Variants in TCF3 observed in about 807,000 individuals in gnomAD.
TCF3 encodes transcription factor 3.
A neutral mutation model predicts 72.3 loss-of-function variants in TCF3; 54 were observed. The observed-to-expected ratio is 0.75, with a 90% CI of 0.60 to 0.94. The LOEUF (loss-of-function observed/expected upper bound fraction) is 0.94, where lower values mean the gene tolerates loss of function less well. Among genes scored for constraint, TCF3 ranks in the 40% least tolerant of loss-of-function variants. The pLI, the probability that TCF3 is intolerant of heterozygous loss-of-function variation, is 0.00. For missense variants in TCF3, 1,078 were observed against 934.4 expected, an observed-to-expected ratio of 1.15 and a Z score of -2.00; for synonymous variants, 525 against 412.6, an observed-to-expected ratio of 1.27 and a Z score of -3.30.
chr19:1,610,935 G>GA lies in TCF3; in HGVS notation c.*771_*772insT, dbSNP rs2060938235. ...TGTGCAGTGGCTTCCGGGGGGGGGG[G>GA]GGGACGGGGGGGCTCAGGTTTACAC... On this transcript the variant is annotated 3_prime_UTR_variant, in exon 19 of 19. Transcript: ENST00000262965. 5.1e-6 allele frequency: 1 copy of GA among 197,232 alleles called. No individual in the cohort carries two copies. The highest frequency in any genetic ancestry group is 6.1e-5 in the Admixed American group (1 of 16,368). The allele number at this position is 197,232 out of a possible 1,614,324, so 12.2% of individuals were successfully genotyped here.
At chr19:1,621,363 G>A (rs931995631) in intron 11 of TCF3, among the ~76,000 whole-genome samples, 172 bp from the exon 12 acceptor site, 3 of 152,266 alleles carry the variant, frequency 2.0e-5, no homozygotes, top group Non-Finnish European at 4.4e-5. Flanking sequence ...AGGGGTTGAG[G>A]CACTGGGGAC....
intron 6 of TCF3, among the ~76,000 whole-genome samples, 164 bp downstream of exon 6, chr19:1,627,195 G>C (rs1296799209): frequency 6.6e-6 from 1 of 152,102 alleles, no homozygotes; most frequent in Admixed American, 6.5e-5. Flanking sequence ...CTCTGCTCCC[G>C]GTCCACACCC....
At chr19:1,633,812 C>T (rs1438137862) in intron 3 of TCF3, among the ~76,000 whole-genome samples, 1 of 152,218 alleles carries the variant, frequency 6.6e-6, no homozygotes, top group East Asian at 1.9e-4. Context: ...TGCACGTGGG[C>T]CCTGGTGAAC....
At chr19:1,633,408 G>A (rs2063960085) in intron 3 of TCF3, among the ~76,000 whole-genome samples, 1 of 152,122 alleles carries the variant, frequency 6.6e-6, no homozygotes, top group African/African-American at 2.4e-5. Context: ...CCAGCCCAGT[G>A]CTGATGTCTG....
chr19:1,621,432 T>A (rs929049057), intron 11 of TCF3, among the ~76,000 whole-genome samples: 13 of 150,788 alleles, frequency 8.6e-5, no homozygotes, highest in African/African-American at 3.2e-4. Flanking sequence ...GGTGGGTGAG[T>A]CCCCCTCTGG....
chr19:1,643,281 C>T (rs750735060), intron 3 of TCF3, among the ~76,000 whole-genome samples: 9 of 152,178 alleles, frequency 5.9e-5, no homozygotes, highest in Non-Finnish European at 1.3e-4. Flanking sequence ...AGGGCAGTGG[C>T]GCAATCTCAG....
At chr19:1,636,075 G>GC (rs948128157) in intron 3 of TCF3, among the ~76,000 whole-genome samples, 31 of 152,354 alleles carry the variant, frequency 2.0e-4, no homozygotes, top group African/African-American at 7.5e-4. Context: ...CCCATTCCCA[G>GC]CCCCTCTGGG....
intron 3 of TCF3, among the ~76,000 whole-genome samples, chr19:1,642,633 T>C (rs1363090845): frequency 1.3e-5 from 2 of 152,064 alleles, no homozygotes; most frequent in African/African-American, 4.8e-5. Flanking sequence ...AAGGACACGA[T>C]CTTTGTCACC....
chr19:1,643,725 C>T (rs938118628), intron 3 of TCF3, among the ~76,000 whole-genome samples: 3 of 152,204 alleles, frequency 2.0e-5, no homozygotes, highest in African/African-American at 7.2e-5. Flanking sequence ...TTATAAATAT[C>T]GAAGAACAGG....
Position 1,619,445 on chromosome 19 carries a change from C to T in TCF3, c.1197G>A (p.Glu399=). 1 of 1,588,710 alleles carries T rather than the reference C, an allele frequency of 6.3e-7. No homozygotes were observed. The highest frequency in any genetic ancestry group is 8.5e-7 in the Non-Finnish European group (1 of 1,173,434). ...LQSKIEDHLD[E]AIHVLRSHAV... Reference sequence around the variant, plus strand: ...CGTGGCTGCGGAGCACGTGGATGGCCTCGTCCAGGTGGTCTTCTATCTTAC... The same window carrying T: ...CGTGGCTGCGGAGCACGTGGATGGCTTCGTCCAGGTGGTCTTCTATCTTAC... The change falls in exon 15 of 19, where the codon GAG becomes GAA. Residue 399 remains glutamate, a synonymous_variant. Coordinates refer to ENST00000262965, the MANE Select transcript of TCF3 (RefSeq NM_003200.5).
intron 1 of TCF3, chr19:1,651,088 G>C (rs958851769): frequency 4.3e-6 from 1 of 232,372 alleles, no homozygotes; most frequent in African/African-American, 2.2e-5. Context: ...CAAGACCAGG[G>C]TGCTCCCGCG....
At chr19:1,649,892 AGCTGGGGGCCC>A (rs2066734594) in intron 2 of TCF3, among the ~76,000 whole-genome samples, 1 of 152,236 alleles carries the variant, frequency 6.6e-6, no homozygotes, top group Non-Finnish European at 1.5e-5. Context: ...TACCCAGCCA[AGCTGGGGGCCC>A]AGGACCATGC....
rs545718318 is a variant in TCF3, at chr19:1,609,477, C to G, written c.*2230G>C. 1 of 217,356 alleles carries G rather than the reference C, an allele frequency of 4.6e-6. No homozygotes were observed. Among genetic ancestry groups the G allele is most frequent in the Non-Finnish European group, 9.2e-6 (1 of 108,930 alleles). 13.5% of individuals were successfully genotyped at this position (217,356 alleles called of 1,614,324 possible). A position where few individuals can be genotyped will look rare whatever the true frequency, so the allele number is the denominator to read the frequency against. ...CTTGAGGCACTCAGATCACACCCCC[C>G]ACCCCCCATAATTGTGGTTCCCAGG... is the stretch of plus-strand genomic sequence containing the variant. On this transcript the variant is annotated 3_prime_UTR_variant, in exon 19 of 19. Transcript: ENST00000262965.
intron 2 of TCF3, among the ~76,000 whole-genome samples, chr19:1,649,194 T>C (rs938629311): frequency 6.6e-6 from 1 of 152,228 alleles, no homozygotes; most frequent in Non-Finnish European, 1.5e-5. Context: ...GTGGCGCTGC[T>C]GTCTGCTCGG....
intron 8 of TCF3, 78 bp from the exon 9 acceptor site, chr19:1,622,493 G>A: frequency 2.6e-6 from 2 of 760,660 alleles, no homozygotes; most frequent in East Asian, 3.0e-5. Context: ...CCGGCCTCCT[G>A]TCCCCTCCTG....
Position 1,611,096 on chromosome 19 carries a change from A to T in TCF3, c.*611T>A, listed in dbSNP as rs959356293. The stretch of plus-strand genomic sequence containing the variant: ...TTTGTTGCTTACAAAACATATGCAA[A>T]AAAAGCTTAAAAAAACCAGAGACCA... On this transcript the variant is annotated 3_prime_UTR_variant, in exon 19 of 19. Coordinates refer to ENST00000262965, the MANE Select transcript of TCF3 (RefSeq NM_003200.5). The T allele has an allele frequency of 1.3e-5, 3 of 232,526 alleles. No individual in the cohort carries two copies. Among genetic ancestry groups the T allele is most frequent in the Non-Finnish European group, 2.5e-5 (3 of 117,772 alleles). The allele number at this position is 232,526 out of a possible 1,614,324, so 14.4% of individuals were successfully genotyped here.
chr19:1,637,816 G>A (rs2064653675), intron 3 of TCF3, among the ~76,000 whole-genome samples: 1 of 152,162 alleles, frequency 6.6e-6, no homozygotes, highest in Non-Finnish European at 1.5e-5. Flanking sequence ...GGCTGAGGCA[G>A]GAGAATGGCG....
At chr19:1,645,163 A>G (rs1286055806) in intron 3 of TCF3, among the ~76,000 whole-genome samples, 1 of 151,366 alleles carries the variant, frequency 6.6e-6, no homozygotes. Context: ...AAACCCCGAC[A>G]CTCCAGCCAG....
chr19:1,622,201 G>C lies in TCF3; in HGVS notation c.675C>G (p.Ala225=). The change falls in exon 10 of 19, where the codon GCC becomes GCG. Residue 225 remains alanine (A), a synonymous_variant. Coordinates refer to ENST00000262965, the MANE Select transcript of TCF3 (RefSeq NM_003200.5). The part of the protein sequence containing the change: ...YVADGSLHPS[A]ELWSPPGQAG... ...CCTGGCCCGGGGGACTCCAGAGCTC[G>C]GCTGAGGGGTGCAGGCTGCCATCTG... 1 of 1,558,848 alleles carries C rather than the reference G, an allele frequency of 6.4e-7. No homozygotes were observed.
Sources: gnomAD v4.1 joint callset for allele counts (sites outside exome capture counted in the v4.1 genomes callset) on GRCh38, gnomAD v4.1.1 for gene constraint, MANE v1.5 for transcripts, NCBI Gene and HGNC (gene_info 2026-07-23, HGNC 2026-07-21) for gene names.